Variants in FANCI observed in about 807,000 individuals in gnomAD.
FANCI encodes FA complementation group I.
A neutral mutation model predicts 176.1 loss-of-function variants in FANCI; 156 were observed. That is an observed-to-expected ratio of 0.89 (90% confidence interval 0.78 to 1.01). The LOEUF (loss-of-function observed/expected upper bound fraction) is 1.01, where lower values mean the gene tolerates loss of function less well. Among genes scored for constraint, FANCI ranks in the 50% least tolerant of loss-of-function variants. The pLI is 0.00. For missense variants in FANCI, 1,678 were observed against 1,534.1 expected (o/e 1.09, Z -1.57); for synonymous variants, 613 against 541.7 (o/e 1.13, Z -1.83).
rs1197157579 is a variant in FANCI, at chr15:89,291,705, A to G, written c.1983A>G (p.Gln661=). ...ILTQGDKISL[Q]EPLDYLLCCI... The stretch of plus-strand genomic sequence containing the variant: ...CCCAAGGAGATAAGATCTCTCTACA[A>G]GAACCACTGGTGAGACTTTTATTCT... The change falls in exon 20 of 38, where the codon CAA becomes CAG. Residue 661 remains glutamine (Q), a synonymous_variant. Transcript: ENST00000310775. 18 of 1,612,722 alleles carry G rather than the reference A, an allele frequency of 1.1e-5. No homozygotes were observed. The highest frequency in any genetic ancestry group is 1.5e-5 in the Non-Finnish European group (18 of 1,178,826).
chr15:89,304,937 C>A (rs139843745), intron 28 of FANCI, among the ~76,000 whole-genome samples, 178 bp from the exon 29 acceptor site: 8 of 152,098 alleles, frequency 5.3e-5, no homozygotes, highest in Non-Finnish European at 1.0e-4. Flanking sequence ...CCACCATGCC[C>A]GGCTAATTTT....
Position 89,281,749 on chromosome 15 carries a change from ACT to A in FANCI, c.1513-15_1513-14del, listed in dbSNP as rs1567157534. The A allele has an allele frequency of 6.2e-7, 1 of 1,613,200 alleles. No homozygotes were observed. Among genetic ancestry groups the A allele is most frequent in the Non-Finnish European group, 8.5e-7 (1 of 1,179,394 alleles). ...AAGCAAACTTGTTCTGTTTTTACCC[ACT>A]GATTCTTTTTCAGCCCCTTCTCAAA... On this transcript the variant is annotated splice_polypyrimidine_tract_variant and intron_variant, in intron 15 of 37. Transcript: ENST00000310775.
chr15:89,276,780 G>A lies in FANCI; in HGVS notation c.1182G>A (p.Gly394=), dbSNP rs888374580. The change falls in exon 13 of 38, where the codon GGG becomes GGA. Residue 394 remains glycine, a synonymous_variant. Transcript: ENST00000310775. The part of the protein sequence containing the change: ...ELGFILMDSY[G]PKKVLDGKTI... ...GTTTCATTTTGATGGATTCATATGG[G>A]CCAAAGAAGGTTCTTGATGGAAAAA... is the stretch of plus-strand genomic sequence containing the variant. The A allele has an allele frequency of 2.5e-6, 4 of 1,614,174 alleles. No individual in the cohort carries two copies. Among genetic ancestry groups the A allele is most frequent in the Non-Finnish European group, 3.4e-6 (4 of 1,180,024 alleles).
chr15:89,292,747 C>T lies in FANCI; in HGVS notation c.2052C>T (p.Pro684=). The change falls in exon 21 of 38, where the codon CCC becomes CCT. Residue 684 remains proline (P), a synonymous_variant. Transcript: ENST00000310775. ...CCTGGTATAAGAATACAGTCATACC[C>T]TTACAGCAGGGAGAGGAGGAAGAGG... ...CLAWYKNTVI[P]LQQGEEEEEE... is the part of the protein sequence containing the mutation. 1 of 1,613,862 alleles carries T rather than the reference C, an allele frequency of 6.2e-7. No homozygotes were observed. The highest frequency in any genetic ancestry group is 1.1e-5 in the South Asian group (1 of 91,062).
chr15:89,253,543 A>ATAAATAAATAAATAAATAACT (rs1555441211), intron 2 of FANCI, among the ~76,000 whole-genome samples: 9 of 143,368 alleles, frequency 6.3e-5, no homozygotes, highest in African/African-American at 2.3e-4. Flanking sequence ...AAATAAATAA[A>ATAAATAAATAAATAAATAACT]TAAGTATATG....
intron 2 of FANCI, among the ~76,000 whole-genome samples, chr15:89,256,826 C>T (rs748612837): frequency 4.6e-5 from 7 of 152,204 alleles, no homozygotes; most frequent in African/African-American, 7.2e-5. Flanking sequence ...CCCAAATTTT[C>T]AGCACGTAAA....
chr15:89,255,572 G>A (rs1254455354), intron 2 of FANCI, among the ~76,000 whole-genome samples: 1 of 152,128 alleles, frequency 6.6e-6, no homozygotes, highest in Non-Finnish European at 1.5e-5. Flanking sequence ...AGAATGACAT[G>A]ATATCACCTG....
At position 89,274,191 on chromosome 15, in the gene FANCI, G is replaced by A. The variant is rs367991076; in HGVS notation, c.999G>A (p.Ser333=). 3.5e-5 allele frequency: 55 copies of A among 1,583,902 alleles called. No individual in the cohort carries two copies. Among genetic ancestry groups the A allele is most frequent in the East Asian group, 4.6e-5 (2 of 43,744 alleles). ...QDQVLDLLKT[S]VVKSFKDLQL... Reference sequence around the variant, plus strand: ...AGGTGCTTGATCTTTTAAAGACTTCGGTTGTAAAGAGCTTTAAGGATCTTC... The same window carrying A: ...AGGTGCTTGATCTTTTAAAGACTTCAGTTGTAAAGAGCTTTAAGGATCTTC... The change falls in exon 12 of 38, where the codon TCG becomes TCA. Residue 333 remains serine, a synonymous_variant. Coordinates refer to ENST00000310775, the MANE Select transcript of FANCI (RefSeq NM_001113378.2).
intron 20 of FANCI, among the ~76,000 whole-genome samples, chr15:89,292,244 A>C (rs2054096551): frequency 6.6e-6 from 1 of 152,238 alleles, no homozygotes; most frequent in African/African-American, 2.4e-5. Flanking sequence ...GAAGTCTTTC[A>C]GTTGTCATAT....
Position 89,274,324 on chromosome 15 carries a change from C to G in FANCI, c.1112+20C>G. 3.7e-6 allele frequency: 6 copies of G among 1,612,480 alleles called. No individual in the cohort carries two copies. Among genetic ancestry groups the G allele is most frequent in the Non-Finnish European group, 5.1e-6 (6 of 1,179,252 alleles). On this transcript the variant is annotated intron_variant, in intron 12 of 37. Coordinates refer to ENST00000310775, the MANE Select transcript of FANCI (RefSeq NM_001113378.2). Reference sequence around the variant, plus strand: ...GAATAGGTAAGTTGGTGAACCATATCTCAAAAGGTTTATAAGGTGTTTAAT... The same window carrying G: ...GAATAGGTAAGTTGGTGAACCATATGTCAAAAGGTTTATAAGGTGTTTAAT...
intron 36 of FANCI, 140 bp downstream of exon 36, chr15:89,314,847 CCCTTT>C: frequency 3.7e-6 from 2 of 535,844 alleles, no homozygotes; most frequent in Non-Finnish European, 6.5e-6. Flanking sequence ...CCCCCCCCCC[CCCTTT>C]TTTTTTTTGA....
At chr15:89,260,680 C>G (rs1274991568) in intron 3 of FANCI, 33 bp from the exon 4 acceptor site, 1 of 1,610,852 alleles carries the variant, frequency 6.2e-7, no homozygotes, top group Non-Finnish European at 8.5e-7. Context: ...TGTTGTAAGA[C>G]TTGTTTCTGA....
intron 24 of FANCI, among the ~76,000 whole-genome samples, chr15:89,299,547 C>T (rs1417249898): frequency 2.0e-5 from 3 of 152,040 alleles, no homozygotes; most frequent in African/African-American, 2.4e-5. Context: ...TATGATGTTT[C>T]GTAGAAAGTA....
chr15:89,250,390 T>C (rs1440757978), intron 2 of FANCI, among the ~76,000 whole-genome samples: 1 of 152,148 alleles, frequency 6.6e-6, no homozygotes, highest in Non-Finnish European at 1.5e-5. Flanking sequence ...TCATGTCCTT[T>C]GTAGGGACAT....
intron 29 of FANCI, 26 bp from the exon 30 acceptor site, chr15:89,305,315 G>A (rs749658826): frequency 1.2e-6 from 2 of 1,614,190 alleles, no homozygotes; most frequent in South Asian, 1.1e-5. Flanking sequence ...ACTGTCATTA[G>A]GTCTCACCTC....
At chr15:89,257,465 T>C (rs1425886601) in intron 2 of FANCI, among the ~76,000 whole-genome samples, 1 of 152,226 alleles carries the variant, frequency 6.6e-6, no homozygotes, top group Non-Finnish European at 1.5e-5. Context: ...GAATTTGTTC[T>C]GTGTCTCTCA....
At position 89,313,032 on chromosome 15, in the gene FANCI, G is replaced by A. The variant is rs369275931; in HGVS notation, c.3720+60G>A. On this transcript the variant is annotated intron_variant, in intron 35 of 37. Coordinates refer to ENST00000310775, the MANE Select transcript of FANCI (RefSeq NM_001113378.2). Reference sequence around the variant, plus strand: ...GTTGGTGAACCCGAAAACATGAAGCGGAAGAAGCCAGTGACAAAAAGACCA... The same window carrying A: ...GTTGGTGAACCCGAAAACATGAAGCAGAAGAAGCCAGTGACAAAAAGACCA... 2.7e-4 allele frequency: 402 copies of A among 1,495,760 alleles called. 2 individuals carry two copies. The Middle Eastern group carries it at 0.013, about 49-fold the overall frequency. 92.7% of individuals were successfully genotyped at this position (1,495,760 alleles called of 1,614,324 possible). A position where few individuals can be genotyped will look rare whatever the true frequency, so the allele number is the denominator to read the frequency against.
At chr15:89,260,168 C>A (rs1480148185) in intron 3 of FANCI, among the ~76,000 whole-genome samples, 1 of 151,320 alleles carries the variant, frequency 6.6e-6, no homozygotes, top group Non-Finnish European at 1.5e-5. Context: ...TCTACATGAT[C>A]CAGATATTTT....
intron 34 of FANCI, among the ~76,000 whole-genome samples, chr15:89,309,604 TC>T (rs2054875995): frequency 6.6e-6 from 1 of 152,074 alleles, no homozygotes; most frequent in South Asian, 2.1e-4. Flanking sequence ...TTGCCTATAG[TC>T]CCAGTTACTT....
Sources: allele counts gnomAD v4.1 joint callset (sites outside exome capture counted in the v4.1 genomes callset), GRCh38; gene constraint gnomAD v4.1.1; transcripts MANE v1.5; gene names NCBI Gene and HGNC (gene_info 2026-07-23, HGNC 2026-07-21).